WDR3: variants seen among roughly 807,000 people sequenced by gnomAD.
WDR3 encodes the protein WD repeat domain 3, also known as WD repeat-containing protein 3.
Under a neutral mutation model 123.7 loss-of-function variants are expected in WDR3, and 81 were observed. The observed-to-expected ratio is 0.65, with a 90% confidence interval of 0.55 to 0.79. The LOEUF (loss-of-function observed/expected upper bound fraction) is 0.79. Ranked by LOEUF, WDR3 falls within the 30% of genes least tolerant of loss-of-function variation. WDR3 has a pLI of 0.00. For synonymous variants in WDR3, 390 were observed against 388.8 expected (o/e 1.00, Z -0.04); for missense variants, 1,027 against 1,123.2 (o/e 0.91, Z 1.22).
intron 21 of WDR3, 97 bp downstream of exon 21, chr1:117,953,638 G>A (rs982752039): frequency 1.6e-6 from 2 of 1,256,660 alleles, no homozygotes; most frequent in African/African-American, 1.5e-5. Context: ...CATTTTTTTG[G>A]CAAAAAGTTG....
At chr1:117,953,965 G>A (rs373628026) in intron 21 of WDR3, 42 bp from the exon 22 acceptor site, 119 of 1,518,888 alleles carry the variant, frequency 7.8e-5, no homozygotes, top group African/African-American at 2.0e-4. Flanking sequence ...TGGGATGATG[G>A]AGTATGTTGT....
At chr1:117,948,176 A>G (rs1296622478) in intron 12 of WDR3, among the ~76,000 whole-genome samples, 3 of 152,234 alleles carry the variant, frequency 2.0e-5, no homozygotes, top group African/African-American at 2.4e-5. Context: ...ATTATTCCAT[A>G]CTTCTACACT....
At chr1:117,944,821 C>A (rs1651312159) in intron 11 of WDR3, among the ~76,000 whole-genome samples, 1 of 152,100 alleles carries the variant, frequency 6.6e-6, no homozygotes, top group South Asian at 2.1e-4. Flanking sequence ...CCTGTGTCAG[C>A]CTCCCGAGTA....
chr1:117,934,877 C>T (rs1172832386), intron 3 of WDR3, among the ~76,000 whole-genome samples, 195 bp downstream of exon 3: 1 of 152,128 alleles, frequency 6.6e-6, no homozygotes, highest in African/African-American at 2.4e-5. Flanking sequence ...GTCATATTTT[C>T]TGATAAAAGC....
Position 117,949,796 on chromosome 1 carries a change from G to A in WDR3, c.1570G>A (p.Asp524Asn), listed in dbSNP as rs1359569747. 1.2e-6 allele frequency: 2 copies of A among 1,613,738 alleles called. No homozygotes were observed. Among genetic ancestry groups the A allele is most frequent in the Admixed American group, 1.7e-5 (1 of 59,988 alleles). ...GGADKSVKFW[D>N]FELVKDENST... is the part of the protein sequence containing the mutation. ...TGCAGATAAATCTGTCAAATTCTGG[G>A]ATTTTGAGTTAGTGAAAGATGAAAA... The change falls in exon 14 of 27, where the codon GAT becomes AAT. Residue 524 changes from aspartate to asparagine, a missense_variant. By Grantham distance (23) the Asp-to-Asn change is conservative (BLOSUM62 1). Coordinates refer to ENST00000349139, the MANE Select transcript of WDR3 (RefSeq NM_006784.3).
Position 117,940,929 on chromosome 1 carries a change from GC to G in WDR3, c.782del (p.Pro261LeufsTer14). ...AEDGAFETDE[A>X]PEDRILSCRK... ...GGATGGTGCCTTTGAGACGGATGAA[GC>G]CCCTGAGGATGTAATTCATTTTCAT... is the stretch of plus-strand genomic sequence containing the variant. On this transcript the variant is annotated frameshift_variant, in exon 7 of 27. Transcript: ENST00000349139. LOFTEE classifies it high-confidence loss of function. The G allele has an allele frequency of 1.9e-6, 3 of 1,610,638 alleles. No homozygotes were observed. Among genetic ancestry groups the G allele is most frequent in the Non-Finnish European group, 2.5e-6 (3 of 1,179,094 alleles).
At position 117,939,576 on chromosome 1, in the gene WDR3, ATTAC is replaced by A. The variant is rs1417989823; in HGVS notation, c.675+7_675+10del. 1.2e-6 allele frequency: 2 copies of A among 1,613,130 alleles called. No individual in the cohort carries two copies. The highest frequency in any genetic ancestry group is 2.2e-5 in the East Asian group (1 of 44,866). Reference sequence around the variant, plus strand: ...GGACATAGCTTATCTGCAAGAGGTAATTACTTCTTAAAATCATGGGCAATATGTT... The same window carrying A: ...GGACATAGCTTATCTGCAAGAGGTAATTCTTAAAATCATGGGCAATATGTT... On this transcript the variant is annotated splice_donor_5th_base_variant and intron_variant, in intron 6 of 26. Coordinates refer to ENST00000349139, the MANE Select transcript of WDR3 (RefSeq NM_006784.3).
At chr1:117,952,803 C>T (rs1225669114) in intron 19 of WDR3, 141 bp downstream of exon 19, 1 of 1,428,868 alleles carries the variant, frequency 7.0e-7, no homozygotes, top group Non-Finnish European at 9.6e-7. Context: ...AGACCATTGT[C>T]ACCCATTTCA....
Position 117,964,165 on chromosome 1 carries a change from CTG to C in WDR3, c.*4721_*4722del. On this transcript the variant is annotated 3_prime_UTR_variant, in exon 27 of 27. Coordinates refer to ENST00000349139, the MANE Select transcript of WDR3 (RefSeq NM_006784.3). Reference sequence around the variant, plus strand: ...TCCCTAGTGTACATTTCTCTCCTAACTGTGACTGGCTTTCTATAAGGAGCCAT... The same window carrying C: ...TCCCTAGTGTACATTTCTCTCCTAACTGACTGGCTTTCTATAAGGAGCCAT... 1 of 370,180 alleles carries C rather than the reference CTG, an allele frequency of 2.7e-6. No homozygotes were observed. Among genetic ancestry groups the C allele is most frequent in the Non-Finnish European group, 5.0e-6 (1 of 201,694 alleles). The allele number at this position is 370,180 out of a possible 1,614,324, so 22.9% of individuals were successfully genotyped here.
At chr1:117,936,702 G>T in intron 3 of WDR3, 67 bp from the exon 4 acceptor site, 1 of 1,247,892 alleles carries the variant, frequency 8.0e-7, no homozygotes, top group Non-Finnish European at 1.1e-6. Context: ...AAGTCTCATT[G>T]TTTGTCAAGT....
rs1215753604 is a variant in WDR3 at position 117,965,448 on chromosome 1, A to G, written c.*6001A>G. The G allele has an allele frequency of 2.0e-5, 3 of 152,238 alleles. No individual in the cohort carries two copies. Among genetic ancestry groups the G allele is most frequent in the African/African-American group, 7.2e-5 (3 of 41,444 alleles). 9.4% of individuals were successfully genotyped at this position (152,238 alleles called of 1,614,324 possible). ...TCTGACTTCTCAGTTGAGATCTAAT[A>G]TTACATATACATGATTCATTACCTC... On this transcript the variant is annotated 3_prime_UTR_variant, in exon 27 of 27. Transcript: ENST00000349139.
At chr1:117,951,114 AAATATT>A (rs1229384820) in intron 16 of WDR3, among the ~76,000 whole-genome samples, 2 of 151,984 alleles carry the variant, frequency 1.3e-5, no homozygotes, top group Admixed American at 6.6e-5. Flanking sequence ...CAATCCTTAT[AAATATT>A]ATCTCTTTCC....
chr1:117,943,627 G>T lies in WDR3; in HGVS notation c.1328+1G>T. On this transcript the variant is annotated splice_donor_variant, in intron 11 of 26. Coordinates refer to ENST00000349139, the MANE Select transcript of WDR3 (RefSeq NM_006784.3). LOFTEE classifies it high-confidence loss of function. The stretch of plus-strand genomic sequence containing the variant: ...CTGATTCCATTAAAATATGGAACAG[G>T]TTCGTGAAATGATGTTTTATATAGC... The T allele has an allele frequency of 6.2e-7, 1 of 1,613,714 alleles. No individual in the cohort carries two copies. The highest frequency in any genetic ancestry group is 2.2e-5 in the East Asian group (1 of 44,874).
At chr1:117,949,212 T>C (rs1400822070) in intron 13 of WDR3, among the ~76,000 whole-genome samples, 1 of 152,172 alleles carries the variant, frequency 6.6e-6, no homozygotes, top group Non-Finnish European at 1.5e-5. Flanking sequence ...GTGGTCTTTT[T>C]TTCAACAAAA....
intron 20 of WDR3, 141 bp from the exon 21 acceptor site, chr1:117,953,335 T>G: frequency 1.2e-6 from 1 of 828,440 alleles, no homozygotes; most frequent in East Asian, 2.6e-5. Context: ...ATATGCTAAG[T>G]TCTGTTACTG....
chr1:117,956,636 G>C (rs987758411), intron 24 of WDR3, among the ~76,000 whole-genome samples: 2 of 152,068 alleles, frequency 1.3e-5, no homozygotes, highest in African/African-American at 4.8e-5. Flanking sequence ...TAGTTCTAGA[G>C]GGAACTATTT....
At chr1:117,931,517 A>G (rs560413676) in intron 1 of WDR3, among the ~76,000 whole-genome samples, 1 of 152,262 alleles carries the variant, frequency 6.6e-6, no homozygotes, top group Non-Finnish European at 1.5e-5. Flanking sequence ...GGTTATAGAC[A>G]TGTTAAATGT....
At position 117,963,836 on chromosome 1, in the gene WDR3, A is replaced by G. The variant is rs768973570; in HGVS notation, c.*4389A>G. On this transcript the variant is annotated 3_prime_UTR_variant, in exon 27 of 27. Transcript: ENST00000349139. Reference sequence around the variant, plus strand: ...AACTTTACGAGACATGAAGACTCCAAGTGTGGAGGAATAAATTGTAGAAGT... The same window carrying G: ...AACTTTACGAGACATGAAGACTCCAGGTGTGGAGGAATAAATTGTAGAAGT... 59 of 1,613,680 alleles carry G rather than the reference A, an allele frequency of 3.7e-5. No homozygotes were observed. The highest frequency in any genetic ancestry group is 4.7e-5 in the Non-Finnish European group (56 of 1,179,746).
chr1:117,955,358 GGTGA>G lies in WDR3; in HGVS notation c.2453+7_2453+10del, dbSNP rs1433241370. On this transcript the variant is annotated splice_donor_variant and splice_donor_region_variant and intron_variant, in intron 24 of 26. Transcript: ENST00000349139. LOFTEE classifies it high-confidence loss of function. ...GAGATTTTTAAAGGGATCAAGTCGA[GGTGA>G]GTGAGTCCTTGCGCACAATTTTTGT... 3.7e-6 allele frequency: 6 copies of G among 1,611,940 alleles called. No homozygotes were observed. The Admixed American group carries it at 1.0e-4, about 27-fold the overall frequency.
Sources: allele counts gnomAD v4.1 joint callset (sites outside exome capture counted in the v4.1 genomes callset), GRCh38; gene constraint gnomAD v4.1.1; transcripts MANE v1.5; gene names NCBI Gene and HGNC (gene_info 2026-07-23, HGNC 2026-07-21).